ITSN1: variants seen among roughly 807,000 people sequenced by gnomAD.
The protein encoded by ITSN1 is intersectin 1, also known as intersectin-1.
A neutral mutation model predicts 239.8 loss-of-function variants in ITSN1; 58 were observed. The observed-to-expected ratio is 0.24, with a 90% confidence interval of 0.20 to 0.30. ITSN1 has a LOEUF of 0.30. Among genes scored for constraint, ITSN1 ranks in the 10% least tolerant of loss-of-function variants. The pLI, the probability that ITSN1 is intolerant of heterozygous loss-of-function variation, is 1.00. For synonymous variants in ITSN1, 780 were observed against 770.8 expected (o/e 1.01, Z -0.20); for missense variants, 1,558 against 2,103.3 (o/e 0.74, Z 5.07).
intron 1 of ITSN1, among the ~76,000 whole-genome samples, chr21:33,690,775 G>GTATGTGTA (rs2091477064): frequency 4.6e-5 from 1 of 21,624 alleles, no homozygotes; most frequent in African/African-American, 1.6e-4. Flanking sequence ...AAAAAAAAGT[G>GTATGTGTA]TATATATATA....
intron 29 of ITSN1, among the ~76,000 whole-genome samples, chr21:33,849,892 C>T (rs757943865): frequency 3.3e-5 from 5 of 152,140 alleles, no homozygotes; most frequent in Non-Finnish European, 7.3e-5. Flanking sequence ...TGCCAGTCTG[C>T]CTTTGTACCC....
intron 4 of ITSN1, 54 bp from the exon 5 acceptor site, chr21:33,734,990 G>C (rs2066411524): frequency 1.3e-6 from 2 of 1,511,638 alleles, no homozygotes; most frequent in Non-Finnish European, 1.8e-6. Flanking sequence ...TGGTGGTTTT[G>C]GAAAGGTTCT....
At chr21:33,665,307 A>G (rs981049586) in intron 1 of ITSN1, among the ~76,000 whole-genome samples, 1 of 152,174 alleles carries the variant, frequency 6.6e-6, no homozygotes, top group African/African-American at 2.4e-5. Flanking sequence ...AACGTCATTA[A>G]AAAGTGGGCA....
chr21:33,673,405 T>C (rs1051212275), intron 1 of ITSN1, among the ~76,000 whole-genome samples: 1 of 152,214 alleles, frequency 6.6e-6, no homozygotes, highest in Non-Finnish European at 1.5e-5. Context: ...CACGTAGCTA[T>C]GTGAGGAGAT....
At chr21:33,791,969 C>T (rs960425851) in intron 16 of ITSN1, among the ~76,000 whole-genome samples, 2 of 151,964 alleles carry the variant, frequency 1.3e-5, no homozygotes, top group Non-Finnish European at 2.9e-5. Context: ...GGTTATTTTG[C>T]TTATGCTTTT....
In ITSN1 at chr21:33,774,774, C is replaced by A. The variant is rs757736852; in HGVS notation, c.1351C>A (p.Arg451=). The A allele has an allele frequency of 6.2e-7, 1 of 1,613,754 alleles. No homozygotes were observed. Among genetic ancestry groups the A allele is most frequent in the African/African-American group, 1.3e-5 (1 of 74,950 alleles). ...LERQRQLEWE[R]NRRQELLNQR... is the part of the protein sequence containing the mutation. ...AAGGCAACGACAACTTGAGTGGGAACGGAATCGAAGGCAAGAACTACTAAA... is the reference window on the plus strand; with the variant it reads ...AAGGCAACGACAACTTGAGTGGGAAAGGAATCGAAGGCAAGAACTACTAAA... Residue 451 remains arginine, a synonymous_variant, in exon 13 of 40, where the codon CGG becomes AGG. Coordinates refer to ENST00000381318, the MANE Select transcript of ITSN1 (RefSeq NM_003024.3).
chr21:33,829,420 A>G, intron 26 of ITSN1: 1 of 596,538 alleles, frequency 1.7e-6, no homozygotes, highest in Non-Finnish European at 3.0e-6. Flanking sequence ...GGGCTCAAGG[A>G]TCAGCCAGGC....
intron 31 of ITSN1, among the ~76,000 whole-genome samples, chr21:33,859,895 C>T (rs528967136): frequency 2.0e-5 from 3 of 152,244 alleles, no homozygotes; most frequent in Non-Finnish European, 2.9e-5. Context: ...CACCCGATGC[C>T]GTGGAAGCCT....
At chr21:33,819,784 C>T (rs1410275948) in intron 24 of ITSN1, among the ~76,000 whole-genome samples, 1 of 151,906 alleles carries the variant, frequency 6.6e-6, no homozygotes, top group Non-Finnish European at 1.5e-5. Flanking sequence ...AGATCGAGAC[C>T]ATCCTGGCTA....
chr21:33,753,972 A>G (rs190334619), intron 7 of ITSN1, among the ~76,000 whole-genome samples: 6 of 152,214 alleles, frequency 3.9e-5, no homozygotes, highest in East Asian at 3.9e-4. Context: ...AATTTTTGCA[A>G]TGCAGTATTG....
At chr21:33,863,378 G>A (rs897652547) in intron 31 of ITSN1, among the ~76,000 whole-genome samples, 6 of 152,196 alleles carry the variant, frequency 3.9e-5, no homozygotes, top group African/African-American at 7.2e-5. Flanking sequence ...GGCCGGGGCC[G>A]GGCACGGTGG....
At chr21:33,866,396 C>T (rs899664087) in intron 32 of ITSN1, among the ~76,000 whole-genome samples, 1 of 152,100 alleles carries the variant, frequency 6.6e-6, no homozygotes, top group Non-Finnish European at 1.5e-5. Flanking sequence ...CTGGGCTCTT[C>T]CTAGGCCCGA....
At chr21:33,776,385 C>A (rs1470310494) in intron 14 of ITSN1, among the ~76,000 whole-genome samples, 2 of 100,390 alleles carry the variant, frequency 2.0e-5, no homozygotes, top group African/African-American at 3.7e-5. Flanking sequence ...GACCCCATCT[C>A]TAAAAAAAAA....
intron 21 of ITSN1, among the ~76,000 whole-genome samples, chr21:33,812,513 T>G (rs1486087281): frequency 6.6e-6 from 1 of 152,202 alleles, no homozygotes; most frequent in Non-Finnish European, 1.5e-5. Flanking sequence ...TTTATTATTA[T>G]TTTGAGACAG....
chr21:33,897,721 A>G lies in ITSN1; in HGVS notation c.*9421A>G, dbSNP rs1986863022. 1 of 152,214 alleles carries G rather than the reference A, an allele frequency of 6.6e-6. No homozygotes were observed. The highest frequency in any genetic ancestry group is 2.4e-5 in the African/African-American group (1 of 41,450). The allele number at this position is 152,214 out of a possible 1,614,324, so 9.4% of individuals were successfully genotyped here. A position where few individuals can be genotyped will look rare whatever the true frequency, so the allele number is the denominator to read the frequency against. On this transcript the variant is annotated 3_prime_UTR_variant, in exon 40 of 40. Coordinates refer to ENST00000381318, the MANE Select transcript of ITSN1 (RefSeq NM_003024.3). ...GTAAAATGTGATTTGTCATTGAGAGATTATTTTTCTGTATGTATATGAGAG... is the reference window on the plus strand; with the variant it reads ...GTAAAATGTGATTTGTCATTGAGAGGTTATTTTTCTGTATGTATATGAGAG...
chr21:33,721,067 G>A (rs1229930627), intron 2 of ITSN1, 111 bp from the exon 3 acceptor site: 2 of 670,416 alleles, frequency 3.0e-6, no homozygotes, highest in Non-Finnish European at 5.3e-6. Flanking sequence ...AATTTATCAA[G>A]TCTTTATAAT....
intron 1 of ITSN1, among the ~76,000 whole-genome samples, chr21:33,654,310 C>G (rs1355875660): frequency 6.6e-6 from 1 of 151,778 alleles, no homozygotes; most frequent in Non-Finnish European, 1.5e-5. Flanking sequence ...CTCGCCTCAG[C>G]CTCCCCAAGT....
At chr21:33,826,767 T>A in intron 25 of ITSN1, 51 bp from the exon 26 acceptor site, 1 of 1,555,384 alleles carries the variant, frequency 6.4e-7, no homozygotes, top group East Asian at 2.2e-5. Flanking sequence ...TTTTTAAAGT[T>A]GCATGATCAA....
At position 33,797,545 on chromosome 21, in the gene ITSN1, C is replaced by T. The variant is rs754299315; in HGVS notation, c.2119C>T (p.Arg707Trp). Residue 707 changes from arginine to tryptophan, a missense_variant, in exon 18 of 40, where the codon CGG (arginine) becomes TGG (tryptophan). Coordinates refer to ENST00000381318, the MANE Select transcript of ITSN1 (RefSeq NM_003024.3). This position sits in a 1 kb window ranked among gnomAD's most constrained non-coding sequence, Gnocchi z 4.9. Reference sequence around the variant, plus strand: ...ACAGGAAGCACAAGACAAGCTGGGTCGGCTTTTCCATCAACACCAAGAACC... The same window carrying T: ...ACAGGAAGCACAAGACAAGCTGGGTTGGCTTTTCCATCAACACCAAGAACC... Reference protein sequence around the residue: ...GKQEAQDKLGRLFHQHQEPAK... With the variant: ...GKQEAQDKLGWLFHQHQEPAK... 4.3e-5 allele frequency: 69 copies of T among 1,613,924 alleles called. No individual in the cohort carries two copies. The highest frequency in any genetic ancestry group is 5.5e-5 in the Non-Finnish European group (65 of 1,179,992).
Sources: gnomAD v4.1 joint callset for allele counts (sites outside exome capture counted in the v4.1 genomes callset) on GRCh38, gnomAD v4.1.1 for gene constraint, Gnocchi (gnomAD v3.1) non-coding constraint, MANE v1.5 for transcripts, NCBI Gene and HGNC (gene_info 2026-07-23, HGNC 2026-07-21) for gene names.